CTSH: variants seen among roughly 807,000 people sequenced by gnomAD.
CTSH encodes cathepsin H.
A neutral mutation model predicts 56.3 loss-of-function variants in CTSH; 52 were observed. That is an observed-to-expected ratio of 0.92 (90% CI 0.74 to 1.16). The LOEUF is 1.16. CTSH is among the 50% of genes most tolerant of loss of function. The pLI is 0.00. For synonymous variants in CTSH, 174 were observed against 155.7 expected (o/e 1.12, Z -0.88); for missense variants, 406 against 424.5 (o/e 0.96, Z 0.38).
Position 78,927,746 on chromosome 15 carries a change from G to C in CTSH, c.666C>G (p.Ile222Met). Residue 222 changes from isoleucine (I) to methionine (M), a missense_variant, in exon 9 of 12, where the codon ATC becomes ATG. Ile to Met is a conservative substitution (Grantham distance 10). Coordinates refer to ENST00000220166, the MANE Select transcript of CTSH (RefSeq NM_004390.5). ...TGTTGGCTACATCCTTGACAAAGCC[G>C]ATGGCCTTTCCAGGTTGGAACTTGC... Reference protein sequence around the residue: ...GYCKFQPGKAIGFVKDVANIT... With the variant: ...GYCKFQPGKAMGFVKDVANIT... 6.2e-7 allele frequency: 1 copy of C among 1,614,142 alleles called. No individual in the cohort carries two copies.
chr15:78,924,103 G>GGA (rs2054841014), intron 10 of CTSH, among the ~76,000 whole-genome samples: 4 of 126,846 alleles, frequency 3.2e-5, no homozygotes, highest in African/African-American at 9.8e-5. Flanking sequence ...CAGCGGGGGG[G>GGA]GGGGGGAGGG....
chr15:78,933,918 G>A (rs201580528), intron 5 of CTSH, among the ~76,000 whole-genome samples: 3 of 152,170 alleles, frequency 2.0e-5, no homozygotes, highest in East Asian at 1.9e-4. Context: ...TAGCCCAGCC[G>A]GCTGCGTCCT....
intron 5 of CTSH, chr15:78,934,709 C>G: frequency 2.0e-6 from 1 of 507,458 alleles, no homozygotes; most frequent in South Asian, 1.9e-5. Context: ...TAGGAGAGAC[C>G]TGGGACCAAT....
intron 5 of CTSH, among the ~76,000 whole-genome samples, chr15:78,933,233 G>C (rs1439320452): frequency 6.6e-6 from 1 of 152,238 alleles, no homozygotes; most frequent in Non-Finnish European, 1.5e-5. Flanking sequence ...CCACACACCA[G>C]GTGGGTGACC....
intron 2 of CTSH, 139 bp from the exon 3 acceptor site, chr15:78,937,562 G>C (rs2055202840): frequency 3.0e-6 from 4 of 1,332,440 alleles, no homozygotes; most frequent in Non-Finnish European, 4.0e-6. Context: ...TTAATGGGCG[G>C]GGTACTGCTG....
intron 9 of CTSH, chr15:78,927,394 CA>C (rs1231267224): frequency 1.3e-5 from 5 of 399,290 alleles, no homozygotes; most frequent in African/African-American, 1.0e-4. Context: ...CACGCTGTGT[CA>C]AGCACGTGCT....
At chr15:78,931,696 C>T (rs2055064642) in intron 6 of CTSH, 190 bp from the exon 7 acceptor site, 2 of 1,460,186 alleles carry the variant, frequency 1.4e-6, no homozygotes, top group Non-Finnish European at 1.8e-6. Context: ...CAGCAGCTGG[C>T]ACATGTCGGG....
chr15:78,944,711 G>A, intron 1 of CTSH, 180 bp downstream of exon 1: 2 of 1,214,756 alleles, frequency 1.6e-6, no homozygotes, highest in Non-Finnish European at 2.1e-6. Flanking sequence ...CCCACCCTCC[G>A]AGAACCCCCG....
intron 3 of CTSH, among the ~76,000 whole-genome samples, chr15:78,936,869 T>G (rs2055187497): frequency 6.6e-6 from 1 of 152,180 alleles, no homozygotes; most frequent in African/African-American, 2.4e-5. Context: ...CCTCAGGTGA[T>G]CCACCCATCT....
chr15:78,922,650 C>T (rs969302540), intron 11 of CTSH, among the ~76,000 whole-genome samples: 1 of 152,194 alleles, frequency 6.6e-6, no homozygotes, highest in African/African-American at 2.4e-5. Flanking sequence ...ATCAGGGGTA[C>T]ATTTGTTGCT....
At chr15:78,925,684 AGC>A in intron 9 of CTSH, 1 of 431,008 alleles carries the variant, frequency 2.3e-6, no homozygotes, top group Non-Finnish European at 4.4e-6. Context: ...CACGGGGTAC[AGC>A]GTGGACCTAC....
In CTSH at chr15:78,931,300, A is replaced by G. The variant is rs545327900; in HGVS notation, c.548+151T>C. The G allele has an allele frequency of 7.6e-6, 7 of 923,624 alleles. No individual in the cohort carries two copies. In the African/African-American group the frequency reaches 9.7e-5, roughly 13 times the overall value. 57.2% of individuals were successfully genotyped at this position (923,624 alleles called of 1,614,324 possible). A position where few individuals can be genotyped will look rare whatever the true frequency, so the allele number is the denominator to read the frequency against. On this transcript the variant is annotated intron_variant, in intron 7 of 11. Coordinates refer to ENST00000220166, the MANE Select transcript of CTSH (RefSeq NM_004390.5). ...CCTGGCTATGAGACCTGGCCATGTG[A>G]GGTGACCACCCCTGTACAACAGAGA...
chr15:78,929,986 C>T (rs1197325739), intron 7 of CTSH, among the ~76,000 whole-genome samples: 3 of 152,172 alleles, frequency 2.0e-5, no homozygotes, highest in Non-Finnish European at 4.4e-5. Flanking sequence ...TGTGGCCTCC[C>T]AGAATAAACA....
At chr15:78,928,821 C>T (rs910336495) in intron 8 of CTSH, among the ~76,000 whole-genome samples, 9 of 151,910 alleles carry the variant, frequency 5.9e-5, no homozygotes, top group Admixed American at 1.3e-4. Context: ...AGCAGGCTGG[C>T]GGCAGGGTGG....
Position 78,925,420 on chromosome 15 carries a change from C to T in CTSH, c.720G>A (p.Val240=). 6.2e-7 allele frequency: 1 copy of T among 1,613,574 alleles called. No individual in the cohort carries two copies. The highest frequency in any genetic ancestry group is 8.5e-7 in the Non-Finnish European group (1 of 1,179,494). Residue 240 remains valine, a synonymous_variant, in exon 10 of 12, where the codon GTG becomes GTA. Transcript: ENST00000220166. ...CAGGGTTGTAGAGGGCCACAGCCTCCACCATCGCTTCCTCGTCATACTGTG... is the reference window on the plus strand; with the variant it reads ...CAGGGTTGTAGAGGGCCACAGCCTCTACCATCGCTTCCTCGTCATACTGTG... ...NITIYDEEAM[V]EAVALYNPVS...
At chr15:78,944,156 C>A (rs775614303) in intron 1 of CTSH, among the ~76,000 whole-genome samples, 1 of 152,186 alleles carries the variant, frequency 6.6e-6, no homozygotes, top group Non-Finnish European at 1.5e-5. Context: ...AAGTTCAGAG[C>A]CTGTGGGCTG....
chr15:78,933,126 C>T (rs936461039), intron 5 of CTSH, among the ~76,000 whole-genome samples: 5 of 152,194 alleles, frequency 3.3e-5, no homozygotes, highest in African/African-American at 4.8e-5. Flanking sequence ...AGTTCATTGC[C>T]GCTGCCTAGC....
intron 5 of CTSH, 196 bp downstream of exon 5, chr15:78,934,782 G>A (rs1217666841): frequency 3.0e-6 from 2 of 669,532 alleles, no homozygotes; most frequent in South Asian, 1.5e-5. Context: ...AGGAACTTTT[G>A]CATCCTCCAG....
chr15:78,933,504 C>T, intron 5 of CTSH: 1 of 454,150 alleles, frequency 2.2e-6, no homozygotes, highest in South Asian at 1.6e-5. Flanking sequence ...AGGTCATCAC[C>T]CTAGGTTGAC....
Sources: allele counts gnomAD v4.1 joint callset (sites outside exome capture counted in the v4.1 genomes callset), GRCh38; gene constraint gnomAD v4.1.1; transcripts MANE v1.5; gene names NCBI Gene and HGNC (gene_info 2026-07-23, HGNC 2026-07-21).